The following CDH7 variants were observed in gnomAD, a reference collection of about 807,000 sequenced individuals.
CDH7 encodes cadherin-7.
Under a neutral mutation model 71.8 loss-of-function variants are expected in CDH7, and 25 were observed. The observed-to-expected ratio is 0.35, with a 90% CI of 0.25 to 0.49. The LOEUF (loss-of-function observed/expected upper bound fraction) is 0.49. Ranked by LOEUF, CDH7 falls within the 20% of genes least tolerant of loss-of-function variation. The probability of loss-of-function intolerance (pLI) is 0.99; values close to 1 mark genes in which losing one functional copy is unlikely to be tolerated. For missense variants in CDH7, 862 were observed against 974.6 expected (o/e 0.88, Z 1.54); for synonymous variants, 381 against 363.8 (o/e 1.05, Z -0.54).
intron 2 of CDH7, among the ~76,000 whole-genome samples, chr18:65,787,695 C>T (rs773834910): frequency 6.6e-6 from 1 of 152,204 alleles, no homozygotes; most frequent in Non-Finnish European, 1.5e-5. Context: ...ATTTAGTGGT[C>T]TGCTCTTCTC....
chr18:65,776,830 C>A (rs547928094), intron 2 of CDH7, among the ~76,000 whole-genome samples: 1 of 152,228 alleles, frequency 6.6e-6, no homozygotes, highest in Non-Finnish European at 1.5e-5. Flanking sequence ...CTTAAGTATT[C>A]AAAATTAATA....
intron 6 of CDH7, among the ~76,000 whole-genome samples, chr18:65,833,671 G>A (rs1912432107): frequency 6.6e-6 from 1 of 152,066 alleles, no homozygotes. Context: ...TGTGTATATA[G>A]GCTTATTATC....
At chr18:65,804,325 G>A (rs190896752) in intron 2 of CDH7, among the ~76,000 whole-genome samples, 1 of 152,190 alleles carries the variant, frequency 6.6e-6, no homozygotes, top group East Asian at 1.9e-4. Flanking sequence ...ACAGGGCTAA[G>A]CTTTAGGTAG....
intron 2 of CDH7, among the ~76,000 whole-genome samples, chr18:65,776,719 C>T (rs532846716): frequency 3.3e-5 from 5 of 152,170 alleles, no homozygotes; most frequent in Admixed American, 1.3e-4. Flanking sequence ...ATCATATCGC[C>T]GAGGTTTACC....
chr18:65,785,442 G>A (rs1910479468), intron 2 of CDH7, among the ~76,000 whole-genome samples: 1 of 151,938 alleles, frequency 6.6e-6, no homozygotes, highest in South Asian at 2.1e-4. Context: ...TCATTTTTGA[G>A]GCAAATACTG....
chr18:65,833,004 A>C (rs1912406213), intron 6 of CDH7, among the ~76,000 whole-genome samples: 1 of 152,182 alleles, frequency 6.6e-6, no homozygotes, highest in African/African-American at 2.4e-5. Flanking sequence ...CATGTGATTT[A>C]TTTGGTGGTC....
intron 5 of CDH7, 92 bp downstream of exon 5, chr18:65,822,340 T>A: frequency 2.1e-6 from 2 of 949,066 alleles, no homozygotes; most frequent in Non-Finnish European, 1.6e-6. Flanking sequence ...CAAATACTTC[T>A]AAAGCAAATA....
In CDH7 at chr18:65,824,783, G is replaced by A; in HGVS notation, c.933G>A (p.Lys311=). ...IVDGDGLGIF[K]ISVDKETQEG... is the part of the protein sequence containing the mutation. ...ATGGTGATGGTTTGGGCATTTTTAA[G>A]ATTTCTGTTGACAAAGAAACCCAGG... Residue 311 remains lysine, a synonymous_variant, in exon 6 of 12, where the codon AAG becomes AAA. Transcript: ENST00000397968. 1 of 1,612,344 alleles carries A rather than the reference G, an allele frequency of 6.2e-7. No homozygotes were observed. Among genetic ancestry groups the A allele is most frequent in the South Asian group, 1.1e-5 (1 of 91,016 alleles).
At chr18:65,771,748 A>G (rs1916549966) in intron 2 of CDH7, among the ~76,000 whole-genome samples, 1 of 151,970 alleles carries the variant, frequency 6.6e-6, no homozygotes, top group Admixed American at 6.6e-5. Context: ...CGTTTGCTTC[A>G]ATCAGCTGTA....
At chr18:65,770,716 T>G (rs1916516137) in intron 2 of CDH7, among the ~76,000 whole-genome samples, 1 of 152,186 alleles carries the variant, frequency 6.6e-6, no homozygotes, top group Admixed American at 6.6e-5. Context: ...GCATTAGAAT[T>G]ATAATTGAGA....
chr18:65,858,508 G>A (rs1913444453), intron 8 of CDH7, among the ~76,000 whole-genome samples: 1 of 151,736 alleles, frequency 6.6e-6, no homozygotes, highest in Non-Finnish European at 1.5e-5. Flanking sequence ...TAACATCAAA[G>A]AACATTGAAA....
rs1040609337 is a variant in CDH7, at chr18:65,887,702, C to A, written c.*6808C>A. On this transcript the variant is annotated 3_prime_UTR_variant, in exon 12 of 12. Coordinates refer to ENST00000397968, the MANE Select transcript of CDH7 (RefSeq NM_004361.5). ...AAAGTAAATGACTTTTAAATATTTT[C>A]TTTTTAGCTTTTAAGATGTCTATTA... 1 of 151,932 alleles carries A rather than the reference C, an allele frequency of 6.6e-6. No homozygotes were observed. Among genetic ancestry groups the A allele is most frequent in the African/African-American group, 2.4e-5 (1 of 41,374 alleles). The allele number at this position is 151,932 out of a possible 1,614,324, so 9.4% of individuals were successfully genotyped here. A position where few individuals can be genotyped will look rare whatever the true frequency, so the allele number is the denominator to read the frequency against.
chr18:65,788,273 T>A (rs918712083), intron 2 of CDH7, among the ~76,000 whole-genome samples: 2 of 152,178 alleles, frequency 1.3e-5, no homozygotes, highest in Non-Finnish European at 2.9e-5. Flanking sequence ...AAATTTTACA[T>A]TACTGTCTAA....
intron 6 of CDH7, among the ~76,000 whole-genome samples, chr18:65,829,953 A>T (rs552463972): frequency 6.6e-6 from 1 of 152,108 alleles, no homozygotes; most frequent in South Asian, 2.1e-4. Flanking sequence ...TGTCCAGGAG[A>T]GCTCAGGCCC....
chr18:65,809,210 T>A (rs890212143), intron 2 of CDH7, among the ~76,000 whole-genome samples: 1 of 151,588 alleles, frequency 6.6e-6, no homozygotes, highest in Non-Finnish European at 1.5e-5. Context: ...AATCACAGAG[T>A]GTGAGTGGGG....
rs907259498 is a variant in CDH7 at position 65,881,009 on chromosome 18, G to A, written c.*115G>A. On this transcript the variant is annotated 3_prime_UTR_variant, in exon 12 of 12. Transcript: ENST00000397968. Reference sequence around the variant, plus strand: ...GAAAACAAGAACTCCCCTTGCTGGAGACAGATGGTTGTAAATATTTCTCCA... The same window carrying A: ...GAAAACAAGAACTCCCCTTGCTGGAAACAGATGGTTGTAAATATTTCTCCA... 3.0e-6 allele frequency: 3 copies of A among 1,001,302 alleles called. No homozygotes were observed. The highest frequency in any genetic ancestry group is 4.2e-6 in the Non-Finnish European group (3 of 706,832). The allele number at this position is 1,001,302 out of a possible 1,614,324, so 62.0% of individuals were successfully genotyped here.
In CDH7 at chr18:65,880,446, C is replaced by T. The variant is rs990476374; in HGVS notation, c.1910C>T (p.Pro637Leu). The change falls in exon 12 of 12, where the codon CCC becomes CTC. Residue 637 changes from proline (P) to leucine (L), a missense_variant. Physicochemically the swap from Pro to Leu is moderately conservative, Grantham distance 98. Coordinates refer to ENST00000397968, the MANE Select transcript of CDH7 (RefSeq NM_004361.5). ...ACTATGAGAAGACGGAAAAAAGAGC[C>T]CCTTATTTTTGACGAAGAAAGAGAC... ...IVTMRRRKKE[P>L]LIFDEERDIR... is the part of the protein sequence containing the mutation. 3 of 1,568,342 alleles carry T rather than the reference C, an allele frequency of 1.9e-6. No individual in the cohort carries two copies. In the African/African-American group the frequency reaches 4.1e-5, roughly 22 times the overall value.
chr18:65,829,056 A>G (rs990405317), intron 6 of CDH7, among the ~76,000 whole-genome samples: 5 of 152,194 alleles, frequency 3.3e-5, no homozygotes, highest in East Asian at 1.9e-4. Flanking sequence ...ATTAGATTCT[A>G]AAAGTGAAAT....
At position 65,801,047 on chromosome 18, in the gene CDH7, T is replaced by G. The variant is rs147502709; in HGVS notation, c.211-8657T>G. The stretch of plus-strand genomic sequence containing the variant: ...TCTTGCTTTTGTGTGGTCACCAAAA[T>G]TACAATTATTTGTTCAACTTTCTAC... On this transcript the variant is annotated intron_variant, in intron 2 of 11. Transcript: ENST00000397968. 3.9e-5 allele frequency among the ~76,000 whole-genome samples: 6 copies of G among 152,304 alleles called. 1 individual carries two copies. Among genetic ancestry groups the G allele is most frequent in the African/African-American group, 1.4e-4 (6 of 41,584 alleles).
Sources: allele counts gnomAD v4.1 joint callset (sites outside exome capture counted in the v4.1 genomes callset), GRCh38; gene constraint gnomAD v4.1.1; transcripts MANE v1.5; gene names NCBI Gene and HGNC (gene_info 2026-07-23, HGNC 2026-07-21).